Variants in ASTN2 observed in about 807,000 individuals in gnomAD.
The protein encoded by ASTN2 is astrotactin 2.
ASTN2 carries 54 observed loss-of-function variants against 139.8 expected under a neutral mutation model. That is an observed-to-expected ratio of 0.39 (90% CI 0.31 to 0.48). The LOEUF is 0.48. Ranked by LOEUF, ASTN2 falls within the 20% of genes least tolerant of loss-of-function variation. The pLI, the probability that ASTN2 is intolerant of heterozygous loss-of-function variation, is 0.95. For missense variants in ASTN2, 1,565 were observed against 1,725.1 expected, an observed-to-expected ratio of 0.91 and a Z score of 1.64; for synonymous variants, 756 against 719.5, an observed-to-expected ratio of 1.05 and a Z score of -0.81.
intron 1 of ASTN2, among the ~76,000 whole-genome samples, chr9:117,308,226 A>C (rs1376829710): frequency 1.3e-5 from 1 of 76,938 alleles, no homozygotes; most frequent in African/African-American, 3.2e-5. Context: ...TCAATCAATC[A>C]ATCAATCAAT....
rs183188000 is a variant in ASTN2 at position 116,676,637 on chromosome 9, T to C, written c.2807-24844A>G. Reference sequence around the variant, plus strand: ...CATGTCATAGTTAGCCATAAAAATTTTTTTTGAGCAGTTAAAAGCCTTGCA... The same window carrying C: ...CATGTCATAGTTAGCCATAAAAATTCTTTTTGAGCAGTTAAAAGCCTTGCA... On this transcript the variant is annotated intron_variant, in intron 16 of 22. Transcript: ENST00000313400. 1.2e-4 allele frequency among the ~76,000 whole-genome samples: 18 copies of C among 152,348 alleles called. No individual in the cohort carries two copies. In the East Asian group the frequency reaches 2.9e-3, roughly 24 times the overall value.
intron 1 of ASTN2, among the ~76,000 whole-genome samples, chr9:117,356,920 G>A (rs558002454): frequency 2.4e-4 from 36 of 152,086 alleles, no homozygotes; most frequent in East Asian, 9.7e-4. Context: ...AAAATTAGCC[G>A]GGTCTGGTGG....
intron 10 of ASTN2, among the ~76,000 whole-genome samples, chr9:116,878,390 G>A (rs1038450524): frequency 1.3e-5 from 2 of 152,180 alleles, no homozygotes; most frequent in Admixed American, 1.3e-4. Flanking sequence ...GGAAGGTCAT[G>A]TCCTTTGCAG....
At chr9:116,470,846 T>A (rs1848789836) in intron 20 of ASTN2, among the ~76,000 whole-genome samples, 1 of 152,200 alleles carries the variant, frequency 6.6e-6, no homozygotes, top group South Asian at 2.1e-4. Context: ...ATGGCATATT[T>A]CATAATGCCA....
rs184655500 is a variant in ASTN2, at chr9:117,270,455, A to G, written c.630+20871T>C. On this transcript the variant is annotated intron_variant, in intron 2 of 22. Coordinates refer to ENST00000313400, the MANE Select transcript of ASTN2 (RefSeq NM_001365068.1). The stretch of plus-strand genomic sequence containing the variant: ...CATAAAGTATTTGTTTTTTTGTGAC[A>G]ATGAGGGTCACAGAGACATTAAATG... Among the ~76,000 whole-genome samples the G allele has an allele frequency of 3.2e-3, 492 of 152,266 alleles. 3 individuals are homozygous for G. The highest frequency in any genetic ancestry group is 0.011 in the African/African-American group (469 of 41,546).
chr9:116,434,919 G>A (rs1269423013), intron 22 of ASTN2, among the ~76,000 whole-genome samples: 1 of 152,120 alleles, frequency 6.6e-6, no homozygotes, highest in African/African-American at 2.4e-5. Context: ...GGGGATATAT[G>A]ACCACAGATT....
At chr9:117,247,995 C>A (rs552689364) in intron 2 of ASTN2, among the ~76,000 whole-genome samples, 51 of 152,312 alleles carry the variant, frequency 3.3e-4, no homozygotes, top group African/African-American at 1.2e-3. Context: ...TATTCTTAGC[C>A]TCCAACAGAC....
intron 5 of ASTN2, among the ~76,000 whole-genome samples, chr9:117,058,725 G>C (rs7853166): frequency 0.47 from 72,047 of 151,998 alleles, 17,596 homozygotes; most frequent in East Asian, 0.72. Flanking sequence ...AACAGACATG[G>C]ACGCCATCCT....
intron 19 of ASTN2, among the ~76,000 whole-genome samples, chr9:116,594,313 G>A (rs1047032537): frequency 6.6e-6 from 1 of 152,026 alleles, no homozygotes; most frequent in African/African-American, 2.4e-5. Flanking sequence ...CTGTTTTAGG[G>A]TTATCAAAAC....
chr9:116,503,960 A>C (rs933093246), intron 19 of ASTN2, among the ~76,000 whole-genome samples: 23 of 152,128 alleles, frequency 1.5e-4, no homozygotes, highest in Non-Finnish European at 1.3e-4. Context: ...CCATAGTCCC[A>C]AAGCTGACTT....
intron 7 of ASTN2, among the ~76,000 whole-genome samples, chr9:116,998,843 C>T (rs1422624684): frequency 6.6e-6 from 1 of 152,182 alleles, no homozygotes; most frequent in African/African-American, 2.4e-5. Flanking sequence ...AAAGATACCA[C>T]TTCCTTCAAA....
intron 16 of ASTN2, among the ~76,000 whole-genome samples, chr9:116,716,934 G>C (rs1828327146): frequency 6.6e-6 from 1 of 152,182 alleles, no homozygotes; most frequent in Non-Finnish European, 1.5e-5. Context: ...GTTTACCTTT[G>C]GGTTTGATAC....
chr9:116,976,798 A>G lies in ASTN2; in HGVS notation c.1592-13T>C, dbSNP rs1285589052. ...CAGCTGCACTCTCCTGTAAGTGAAAAGAAAAAAGATTATTGTTAAGTAGAG... is the reference window on the plus strand; with the variant it reads ...CAGCTGCACTCTCCTGTAAGTGAAAGGAAAAAAGATTATTGTTAAGTAGAG... On this transcript the variant is annotated splice_polypyrimidine_tract_variant and intron_variant, in intron 7 of 22. Coordinates refer to ENST00000313400, the MANE Select transcript of ASTN2 (RefSeq NM_001365068.1). 3 of 1,612,678 alleles carry G rather than the reference A, an allele frequency of 1.9e-6. No homozygotes were observed. Among genetic ancestry groups the G allele is most frequent in the African/African-American group, 1.3e-5 (1 of 74,884 alleles).
chr9:116,749,595 G>A (rs1054443343), intron 13 of ASTN2, among the ~76,000 whole-genome samples: 4 of 152,116 alleles, frequency 2.6e-5, no homozygotes, highest in African/African-American at 9.7e-5. Flanking sequence ...AAATTGCCAT[G>A]GTGTGTCTAT....
chr9:116,838,627 C>T (rs1401853111), intron 11 of ASTN2, among the ~76,000 whole-genome samples: 1 of 142,854 alleles, frequency 7.0e-6, no homozygotes, highest in Admixed American at 7.1e-5. Context: ...TGGAGTTTCA[C>T]CAGGCCAGGC....
intron 4 of ASTN2, among the ~76,000 whole-genome samples, chr9:117,119,483 C>A (rs28571187): frequency 6.6e-6 from 1 of 152,058 alleles, no homozygotes; most frequent in African/African-American, 2.4e-5. Flanking sequence ...TGTCCTGACC[C>A]TCTCCAGCAC....
chr9:116,743,823 G>T (rs1166304335), intron 13 of ASTN2, among the ~76,000 whole-genome samples: 2 of 152,174 alleles, frequency 1.3e-5, no homozygotes, highest in Non-Finnish European at 2.9e-5. Flanking sequence ...TTTGCTATCA[G>T]TGGAATGAAA....
intron 10 of ASTN2, among the ~76,000 whole-genome samples, chr9:116,927,405 T>A (rs772265689): frequency 6.6e-6 from 1 of 152,198 alleles, no homozygotes; most frequent in African/African-American, 2.4e-5. Context: ...TTTCATATAT[T>A]TATCATTACT....
intron 13 of ASTN2, among the ~76,000 whole-genome samples, chr9:116,758,393 A>G (rs1829588229): frequency 6.6e-6 from 1 of 152,182 alleles, no homozygotes; most frequent in African/African-American, 2.4e-5. Flanking sequence ...CTCACAGGAC[A>G]GACATGTGCC....
Sources: allele counts gnomAD v4.1 joint callset (sites outside exome capture counted in the v4.1 genomes callset), GRCh38; gene constraint gnomAD v4.1.1; transcripts MANE v1.5; gene names NCBI Gene and HGNC (gene_info 2026-07-23, HGNC 2026-07-21).